DRC11: variants seen among roughly 807,000 people sequenced by gnomAD.
DRC11 encodes the protein IQ and AAA domain-containing protein 1.
chr2:236,492,465 A>G, the DRC11 span, among the ~76,000 whole-genome samples: 179 of 152,326 alleles, frequency 1.2e-3, 2 homozygotes, highest in East Asian at 0.03. Flanking sequence ...ATCTTCCTTA[A>G]CACCATCACC....
At chr2:236,501,582 A>G in the DRC11 span, among the ~76,000 whole-genome samples, 1 of 152,162 alleles carries the variant, frequency 6.6e-6, no homozygotes, top group Admixed American at 6.5e-5. Context: ...GGCTGTGGAC[A>G]ACGATCAAGA....
the DRC11 span, among the ~76,000 whole-genome samples, chr2:236,443,136 C>T: frequency 6.6e-6 from 1 of 152,142 alleles, no homozygotes; most frequent in East Asian, 1.9e-4. This position sits in a 1 kb window ranked among gnomAD's most constrained non-coding sequence, Gnocchi z 4.4. Flanking sequence ...TTATTTTTTA[C>T]TGCATCCTCA....
chr2:236,393,346 G>A, the DRC11 span, among the ~76,000 whole-genome samples: 1 of 152,268 alleles, frequency 6.6e-6, no homozygotes, highest in South Asian at 2.1e-4. The surrounding 1 kb of genome is among the most constrained non-coding windows in gnomAD (Gnocchi z 4.7). Flanking sequence ...GAAGACAGCA[G>A]AGGCTGCAGG....
chr2:236,496,384 C>T, the DRC11 span, among the ~76,000 whole-genome samples: 1 of 152,180 alleles, frequency 6.6e-6, no homozygotes. This position sits in a 1 kb window ranked among gnomAD's most constrained non-coding sequence, Gnocchi z 6.3. Context: ...TAAAGACTTT[C>T]TCCTTTCGAT....
chr2:236,332,616 C>T, the DRC11 span: 3 of 152,124 alleles, frequency 2.0e-5, no homozygotes, highest in East Asian at 1.9e-4. The surrounding 1 kb of genome is among the most constrained non-coding windows in gnomAD (Gnocchi z 5.1). Flanking sequence ...GCCTGGTAAG[C>T]GGTTAATTCT....
chr2:236,354,206 CAATG>C, the DRC11 span, among the ~76,000 whole-genome samples: 19 of 68,158 alleles, frequency 2.8e-4, 1 homozygote, highest in East Asian at 2.1e-3. Flanking sequence ...GTGTGTGTGT[CAATG>C]TATGTGTGTG....
chr2:236,445,904 C>T, the DRC11 span, among the ~76,000 whole-genome samples: 8 of 152,170 alleles, frequency 5.3e-5, no homozygotes, highest in Admixed American at 1.3e-4. The surrounding 1 kb of genome is among the most constrained non-coding windows in gnomAD (Gnocchi z 4.8). Context: ...TCCATCTGTC[C>T]CTCCCGTGGG....
chr2:236,314,049 TAC>T, the DRC11 span, among the ~76,000 whole-genome samples: 3 of 152,106 alleles, frequency 2.0e-5, no homozygotes, highest in African/African-American at 7.2e-5. The surrounding 1 kb of genome is among the most constrained non-coding windows in gnomAD (Gnocchi z 4.5). Flanking sequence ...CATATGCATA[TAC>T]ACACACAAAT....
the DRC11 span, among the ~76,000 whole-genome samples, chr2:236,449,202 A>T: frequency 6.6e-6 from 1 of 152,202 alleles, no homozygotes; most frequent in Non-Finnish European, 1.5e-5. This position sits in a 1 kb window ranked among gnomAD's most constrained non-coding sequence, Gnocchi z 5.1. Flanking sequence ...TGACACTAGG[A>T]AACTGGGACA....
chr2:236,352,583 A>G, the DRC11 span, among the ~76,000 whole-genome samples: 1 of 152,172 alleles, frequency 6.6e-6, no homozygotes, highest in South Asian at 2.1e-4. This position sits in a 1 kb window ranked among gnomAD's most constrained non-coding sequence, Gnocchi z 7.0. Context: ...GTTCTTTAGT[A>G]AAAATCTCAG....
At chr2:236,473,361 A>C in the DRC11 span, among the ~76,000 whole-genome samples, 9 of 152,244 alleles carry the variant, frequency 5.9e-5, no homozygotes, top group African/African-American at 2.2e-4. This position sits in a 1 kb window ranked among gnomAD's most constrained non-coding sequence, Gnocchi z 4.8. Flanking sequence ...CCAAGCTCGT[A>C]CTTGAGGTTA....
At chr2:236,465,725 A>T in the DRC11 span, 1 of 1,533,398 alleles carries the variant, frequency 6.5e-7, no homozygotes, top group Admixed American at 1.7e-5. This position sits in a 1 kb window ranked among gnomAD's most constrained non-coding sequence, Gnocchi z 6.2. Flanking sequence ...AAATATATAC[A>T]AGCAACAAGG....
the DRC11 span, among the ~76,000 whole-genome samples, chr2:236,424,628 T>C: frequency 6.6e-6 from 1 of 152,166 alleles, no homozygotes; most frequent in East Asian, 1.9e-4. Context: ...AACATGTCCA[T>C]CACCTTACAT....
the DRC11 span, among the ~76,000 whole-genome samples, chr2:236,319,274 C>T: frequency 1.3e-5 from 2 of 152,098 alleles, no homozygotes; most frequent in South Asian, 2.1e-4. This position sits in a 1 kb window ranked among gnomAD's most constrained non-coding sequence, Gnocchi z 6.7. Context: ...AGGCATTGTG[C>T]CGTGTACACG....
chr2:236,323,077 G>C, the DRC11 span, among the ~76,000 whole-genome samples: 1 of 152,238 alleles, frequency 6.6e-6, no homozygotes, highest in Non-Finnish European at 1.5e-5. This position sits in a 1 kb window ranked among gnomAD's most constrained non-coding sequence, Gnocchi z 6.4. Flanking sequence ...CTAAGACCAA[G>C]TGAAATGGTA....
chr2:236,459,709 A>G, the DRC11 span, among the ~76,000 whole-genome samples: 3 of 149,274 alleles, frequency 2.0e-5, no homozygotes, highest in African/African-American at 4.9e-5. Context: ...ATATACGTAT[A>G]TATATGAGAG....
chr2:236,383,613 TC>T, the DRC11 span, among the ~76,000 whole-genome samples: 1 of 152,144 alleles, frequency 6.6e-6, no homozygotes, highest in Non-Finnish European at 1.5e-5. Flanking sequence ...ATCCTATAAT[TC>T]TTGGTATGTT....
the DRC11 span, chr2:236,364,065 A>G: frequency 8.9e-7 from 1 of 1,128,402 alleles, no homozygotes; most frequent in African/African-American, 1.5e-5. Context: ...TCAAAACTGC[A>G]TCGTGTGACT....
the DRC11 span, among the ~76,000 whole-genome samples, chr2:236,430,434 T>C: frequency 6.6e-6 from 1 of 152,222 alleles, no homozygotes; most frequent in African/African-American, 2.4e-5. The surrounding 1 kb of genome is among the most constrained non-coding windows in gnomAD (Gnocchi z 6.0). Flanking sequence ...ATACAAATGT[T>C]AGCGTATTAT....
Sources: gnomAD v4.1 joint callset for allele counts (sites outside exome capture counted in the v4.1 genomes callset) on GRCh38, gnomAD v4.1.1 for gene constraint, Gnocchi (gnomAD v3.1) non-coding constraint, MANE v1.5 for transcripts, NCBI Gene and HGNC (gene_info 2026-07-23, HGNC 2026-07-21) for gene names.